The following GPR158 variants were observed in gnomAD, a reference collection of about 807,000 sequenced individuals.
The protein encoded by GPR158 is G protein-coupled receptor 158, also known as metabotropic glycine receptor.
GPR158 carries 30 observed loss-of-function variants against 78.2 expected under a neutral mutation model. The ratio of observed to expected loss-of-function variants is 0.38; its 90% CI spans 0.29 to 0.52. GPR158 has a LOEUF of 0.52. GPR158 is among the 20% of genes least tolerant of loss of function. The probability of loss-of-function intolerance (pLI) is 0.83; values close to 1 mark genes in which losing one functional copy is unlikely to be tolerated. For synonymous variants in GPR158, 581 were observed against 591.1 expected (o/e 0.98, Z 0.25); for missense variants, 1,463 against 1,523.5 (o/e 0.96, Z 0.66).
chr10:25,209,347 C>T (rs1853096602), intron 1 of GPR158, among the ~76,000 whole-genome samples: 2 of 152,206 alleles, frequency 1.3e-5, no homozygotes, highest in East Asian at 3.9e-4. Flanking sequence ...ATACCCTCAT[C>T]ATGGCACAAT....
chr10:25,531,341 C>A (rs182613639), intron 5 of GPR158, among the ~76,000 whole-genome samples: 2 of 152,194 alleles, frequency 1.3e-5, no homozygotes, highest in Admixed American at 1.3e-4. Flanking sequence ...AGTAAAAACC[C>A]CGCGTCCATG....
intron 1 of GPR158, among the ~76,000 whole-genome samples, chr10:25,201,133 T>A (rs565029651): frequency 6.6e-6 from 1 of 152,282 alleles, no homozygotes; most frequent in South Asian, 2.1e-4. Context: ...TTCCTATCCA[T>A]GAGCATGGAA....
chr10:25,521,370 CG>C (rs1280193301), intron 5 of GPR158, among the ~76,000 whole-genome samples: 1 of 152,172 alleles, frequency 6.6e-6, no homozygotes, highest in African/African-American at 2.4e-5. Flanking sequence ...TGTTCCTATT[CG>C]GCCATCTTGG....
At chr10:25,318,497 C>A (rs1194870032) in intron 2 of GPR158, among the ~76,000 whole-genome samples, 1 of 152,004 alleles carries the variant, frequency 6.6e-6, no homozygotes. Flanking sequence ...TTCTTTCTTC[C>A]GTACAGTTTT....
intron 4 of GPR158, among the ~76,000 whole-genome samples, chr10:25,425,614 A>G (rs1214699723): frequency 6.6e-6 from 1 of 151,138 alleles, no homozygotes; most frequent in Non-Finnish European, 1.5e-5. Context: ...TAAACGGCCC[A>G]TGGAGTGGGA....
At chr10:25,581,359 C>A (rs1460349926) in intron 7 of GPR158, among the ~76,000 whole-genome samples, 1 of 152,184 alleles carries the variant, frequency 6.6e-6, no homozygotes. Flanking sequence ...CATGTGTGAC[C>A]TTAAACATGT....
chr10:25,448,245 T>A (rs1055867901), intron 4 of GPR158, among the ~76,000 whole-genome samples: 1 of 151,674 alleles, frequency 6.6e-6, no homozygotes, highest in African/African-American at 2.4e-5. Flanking sequence ...CCACCACGCC[T>A]GGCTAATTTT....
intron 4 of GPR158, among the ~76,000 whole-genome samples, chr10:25,451,032 T>A (rs1190460502): frequency 6.6e-6 from 1 of 152,194 alleles, no homozygotes. Flanking sequence ...ATGAACCATA[T>A]GTTATACTGT....
Position 25,572,579 on chromosome 10 carries a change from A to G in GPR158, c.1515-70A>G, listed in dbSNP as rs1035047791. The G allele has an allele frequency of 6.0e-6, 6 of 1,003,866 alleles. No individual in the cohort carries two copies. In the African/African-American group the frequency reaches 6.4e-5, roughly 11 times the overall value. The allele number at this position is 1,003,866 out of a possible 1,614,324, so 62.2% of individuals were successfully genotyped here. On this transcript the variant is annotated intron_variant, in intron 6 of 10. Coordinates refer to ENST00000376351, the MANE Select transcript of GPR158 (RefSeq NM_020752.3). The stretch of plus-strand genomic sequence containing the variant: ...GTGGGTTTACATTTTACCTAGAAAA[A>G]TAAGTTATTTTAGAGTTATACTTTC...
intron 1 of GPR158, among the ~76,000 whole-genome samples, chr10:25,200,377 G>A (rs1308165271): frequency 6.6e-6 from 1 of 152,052 alleles, no homozygotes; most frequent in African/African-American, 2.4e-5. Flanking sequence ...TTTTTTGCTT[G>A]TAAATGTGCT....
intron 1 of GPR158, among the ~76,000 whole-genome samples, chr10:25,196,919 A>T (rs2130649823): frequency 6.6e-6 from 1 of 152,346 alleles, no homozygotes; most frequent in East Asian, 1.9e-4. Context: ...CTATGGTCTT[A>T]ACACAAGCTG....
chr10:25,412,479 C>T lies in GPR158; in HGVS notation c.1335+6C>T, dbSNP rs762800337. On this transcript the variant is annotated splice_donor_region_variant and intron_variant, in intron 4 of 10. Coordinates refer to ENST00000376351, the MANE Select transcript of GPR158 (RefSeq NM_020752.3). ...ACCACTTTCGCAAAGCAAAGGTAAA[C>T]CCAGGAACCCTGGTTATGATCCTGT... 5.6e-6 allele frequency: 9 copies of T among 1,594,636 alleles called. No homozygotes were observed. Among genetic ancestry groups the T allele is most frequent in the Admixed American group, 1.7e-5 (1 of 59,978 alleles).
intron 1 of GPR158, among the ~76,000 whole-genome samples, chr10:25,197,100 T>C (rs1852854256): frequency 6.6e-6 from 1 of 152,174 alleles, no homozygotes; most frequent in African/African-American, 2.4e-5. Flanking sequence ...GTCATTACAG[T>C]TGGATGTGGA....
At chr10:25,357,095 T>C (rs1426665454) in intron 2 of GPR158, among the ~76,000 whole-genome samples, 1 of 152,118 alleles carries the variant, frequency 6.6e-6, no homozygotes, top group African/African-American at 2.4e-5. Flanking sequence ...GGTGGCATTT[T>C]GCCCCTGCCC....
At chr10:25,478,620 C>T (rs1835621729) in intron 5 of GPR158, among the ~76,000 whole-genome samples, 1 of 151,794 alleles carries the variant, frequency 6.6e-6, no homozygotes, top group South Asian at 2.1e-4. Context: ...TAACAAAACC[C>T]AGATATTACT....
chr10:25,222,142 A>T (rs1853307248), intron 2 of GPR158, among the ~76,000 whole-genome samples: 1 of 152,056 alleles, frequency 6.6e-6, no homozygotes, highest in African/African-American at 2.4e-5. Context: ...ATATACGCCC[A>T]TTGAGTGTTT....
chr10:25,244,520 G>A (rs1853664202), intron 2 of GPR158: 1 of 152,190 alleles, frequency 6.6e-6, no homozygotes, highest in African/African-American at 2.4e-5. Context: ...AAGGAGTATG[G>A]AAATCTAGAG....
At chr10:25,230,774 T>A (rs1853436871) in intron 2 of GPR158, among the ~76,000 whole-genome samples, 1 of 152,198 alleles carries the variant, frequency 6.6e-6, no homozygotes, top group Admixed American at 6.6e-5. Context: ...AGGCACATTT[T>A]AAAATAGTAG....
chr10:25,587,535 G>A (rs1024069136), intron 7 of GPR158, among the ~76,000 whole-genome samples: 6 of 152,120 alleles, frequency 3.9e-5, no homozygotes, highest in East Asian at 3.9e-4. Flanking sequence ...AGAAGGCAAC[G>A]GTAATTCCAT....
Sources: gnomAD v4.1 joint callset for allele counts (sites outside exome capture counted in the v4.1 genomes callset) on GRCh38, gnomAD v4.1.1 for gene constraint, MANE v1.5 for transcripts, NCBI Gene and HGNC (gene_info 2026-07-23, HGNC 2026-07-21) for gene names.